The following FLYWCH2 variants were observed in gnomAD, a reference collection of about 807,000 sequenced individuals.
FLYWCH2 encodes the protein FLYWCH family member 2.
A neutral mutation model predicts 6.0 loss-of-function variants in FLYWCH2; 2 were observed. The observed-to-expected ratio is 0.33, with a 90% CI of 0.14 to 1.04. The LOEUF (loss-of-function observed/expected upper bound fraction) is 1.04. FLYWCH2 is among the 50% of genes least tolerant of loss of function. FLYWCH2 has a pLI of 0.45. For synonymous variants in FLYWCH2, 87 were observed against 79.3 expected (o/e 1.10, Z -0.52); for missense variants, 192 against 183.4 (o/e 1.05, Z -0.27).
chr16:2,892,221 G>A (rs2069765648), intron 1 of FLYWCH2, among the ~76,000 whole-genome samples: 2 of 139,682 alleles, frequency 1.4e-5, no homozygotes, highest in Non-Finnish European at 3.1e-5. Context: ...CAGGCCAGGT[G>A]TGGTAGCTCA....
At chr16:2,898,081 C>T (rs2069843548) in intron 3 of FLYWCH2, among the ~76,000 whole-genome samples, 1 of 152,158 alleles carries the variant, frequency 6.6e-6, no homozygotes, top group Admixed American at 6.5e-5. Flanking sequence ...GGGACCCTGC[C>T]TCACTGATGG....
chr16:2,890,999 C>A (rs969010375), intron 1 of FLYWCH2, among the ~76,000 whole-genome samples: 1 of 152,218 alleles, frequency 6.6e-6, no homozygotes, highest in Non-Finnish European at 1.5e-5. Context: ...TGTCCCTTCT[C>A]CAACATTTAT....
At chr16:2,885,684 A>C (rs1161675127) in intron 1 of FLYWCH2, among the ~76,000 whole-genome samples, 2 of 152,202 alleles carry the variant, frequency 1.3e-5, no homozygotes, top group African/African-American at 4.8e-5. Context: ...ATTCCATTTT[A>C]TACATGCACC....
intron 1 of FLYWCH2, among the ~76,000 whole-genome samples, chr16:2,884,387 T>G (rs967040222): frequency 2.6e-5 from 4 of 151,844 alleles, no homozygotes; most frequent in Admixed American, 6.6e-5. Flanking sequence ...GGATTGAACC[T>G]TGTATTAGTT....
At chr16:2,884,904 T>C (rs892056341) in intron 1 of FLYWCH2, among the ~76,000 whole-genome samples, 1 of 150,488 alleles carries the variant, frequency 6.6e-6, no homozygotes, top group Non-Finnish European at 1.5e-5. Flanking sequence ...AAACTCCGGG[T>C]GATTCTTAGG....
chr16:2,892,514 A>T (rs544139307), intron 1 of FLYWCH2, among the ~76,000 whole-genome samples: 39 of 146,394 alleles, frequency 2.7e-4, no homozygotes, highest in Admixed American at 6.2e-4. Context: ...AACACAATTT[A>T]TCTACATTTA....
At chr16:2,891,514 C>T (rs1198516778) in intron 1 of FLYWCH2, among the ~76,000 whole-genome samples, 2 of 152,100 alleles carry the variant, frequency 1.3e-5, no homozygotes, top group African/African-American at 2.4e-5. Context: ...ACGCCATTCT[C>T]TTGCCTCAGC....
In FLYWCH2 at chr16:2,883,221, CAG is replaced by C. The variant is rs2069659153; in HGVS notation, c.-344_-343del. ...CGGAGGAGCGGCCCCAGCCAGAAGA[CAG>C]GGCACCCGCGGCCTTGCTGCGCATG... On this transcript the variant is annotated 5_prime_UTR_variant, in exon 1 of 4. Coordinates refer to ENST00000396958, the MANE Select transcript of FLYWCH2 (RefSeq NM_138439.3). 2 of 152,300 alleles carry C rather than the reference CAG, an allele frequency of 1.3e-5. No homozygotes were observed. The highest frequency in any genetic ancestry group is 2.9e-5 in the Non-Finnish European group (2 of 68,066). 9.4% of individuals were successfully genotyped at this position (152,300 alleles called of 1,614,324 possible). A position where few individuals can be genotyped will look rare whatever the true frequency, so the allele number is the denominator to read the frequency against.
At chr16:2,894,753 C>G (rs1009008021) in intron 1 of FLYWCH2, among the ~76,000 whole-genome samples, 51 of 148,820 alleles carry the variant, frequency 3.4e-4, no homozygotes, top group Admixed American at 3.4e-3. Context: ...GTTTAGTGGT[C>G]AGAGGACTAC....
In FLYWCH2 at chr16:2,892,495, C is replaced by CAAA. The variant is rs56253235; in HGVS notation, c.-199-2717_-199-2715dup. Among the ~76,000 whole-genome samples, 161 of 143,824 alleles carry CAAA rather than the reference C, an allele frequency of 1.1e-3. 3 individuals are homozygous for CAAA. In the South Asian group the frequency reaches 0.014, roughly 12 times the overall value. The allele number at this position is 143,824 out of a possible 152,430, so 94.4% of individuals were successfully genotyped here. ...TGGGAGACAGAGCGAGACTCCATCT[C>CAAA]AAAAAAAAAACACAATTTATCTACA... On this transcript the variant is annotated intron_variant, in intron 1 of 3. Transcript: ENST00000396958.
At chr16:2,891,934 G>C (rs530449964) in intron 1 of FLYWCH2, among the ~76,000 whole-genome samples, 8 of 151,446 alleles carry the variant, frequency 5.3e-5, no homozygotes, top group Admixed American at 2.6e-4. Flanking sequence ...GCTCATGCCT[G>C]TAATCCCAGC....
chr16:2,890,685 G>A (rs547082722), intron 1 of FLYWCH2, among the ~76,000 whole-genome samples: 10 of 151,544 alleles, frequency 6.6e-5, no homozygotes, highest in Non-Finnish European at 1.2e-4. Flanking sequence ...GCCTCCCAAA[G>A]TGCTGGGATT....
chr16:2,886,577 A>C (rs544657418), intron 1 of FLYWCH2, among the ~76,000 whole-genome samples: 2 of 120,396 alleles, frequency 1.7e-5, no homozygotes, highest in Non-Finnish European at 3.1e-5. Context: ...GCTGGAGTGC[A>C]CTGGTGCAAT....
At chr16:2,885,737 G>A (rs1251623138) in intron 1 of FLYWCH2, among the ~76,000 whole-genome samples, 1 of 152,300 alleles carries the variant, frequency 6.6e-6, no homozygotes, top group African/African-American at 2.4e-5. Flanking sequence ...TATTTGGGCT[G>A]TTTTGAATAT....
intron 3 of FLYWCH2, among the ~76,000 whole-genome samples, chr16:2,898,186 G>A (rs905052593): frequency 2.0e-5 from 3 of 152,276 alleles, no homozygotes; most frequent in African/African-American, 4.8e-5. Context: ...GGTGGTGTCC[G>A]CAGCCACAGG....
At chr16:2,886,533 T>TC (rs2069700718) in intron 1 of FLYWCH2, among the ~76,000 whole-genome samples, 2 of 141,578 alleles carry the variant, frequency 1.4e-5, no homozygotes, top group Admixed American at 1.4e-4. Context: ...TTTTTTTTTT[T>TC]TTTTTTGAGG....
At chr16:2,895,983 A>C (rs981373316) in intron 2 of FLYWCH2, among the ~76,000 whole-genome samples, 1 of 152,218 alleles carries the variant, frequency 6.6e-6, no homozygotes, top group Non-Finnish European at 1.5e-5. Context: ...GCCTGCTGTC[A>C]TAACAGGGGT....
chr16:2,886,721 A>T (rs979123788), intron 1 of FLYWCH2, among the ~76,000 whole-genome samples: 4 of 151,224 alleles, frequency 2.6e-5, no homozygotes, highest in Non-Finnish European at 4.4e-5. Flanking sequence ...GGGTTTCTCC[A>T]TGTTGGTCAG....
Position 2,899,275 on chromosome 16 carries a change from T to TTC in FLYWCH2, c.*127_*128insCT, listed in dbSNP as rs944143819. The TTC allele has an allele frequency of 5.2e-6, 3 of 578,404 alleles. No individual in the cohort carries two copies. Among genetic ancestry groups the TTC allele is most frequent in the African/African-American group, 3.9e-5 (2 of 51,082 alleles). The allele number at this position is 578,404 out of a possible 1,614,324, so 35.8% of individuals were successfully genotyped here. A position where few individuals can be genotyped will look rare whatever the true frequency, so the allele number is the denominator to read the frequency against. On this transcript the variant is annotated 3_prime_UTR_variant, in exon 4 of 4. Transcript: ENST00000396958. Reference sequence around the variant, plus strand: ...CATTGTGTGATTTCTTTTCTTTTTTTTTTTTTTTTTAGATCAAGTATAAGT... The same window carrying TTC: ...CATTGTGTGATTTCTTTTCTTTTTTTTCTTTTTTTTTTAGATCAAGTATAAGT...
Sources: allele counts gnomAD v4.1 joint callset (sites outside exome capture counted in the v4.1 genomes callset), GRCh38; gene constraint gnomAD v4.1.1; transcripts MANE v1.5; gene names NCBI Gene and HGNC (gene_info 2026-07-23, HGNC 2026-07-21).